Variants in CIMIP6 observed in about 807,000 individuals in gnomAD.
CIMIP6 encodes the protein uncharacterized protein C2orf73.
chr2:54,383,543 A>G, the CIMIP6 span: 1 of 152,224 alleles, frequency 6.6e-6, no homozygotes, highest in African/African-American at 2.4e-5. Flanking sequence ...AGCCACCCCT[A>G]TCATGTTAAA....
At chr2:54,379,894 T>C in the CIMIP6 span, among the ~76,000 whole-genome samples, 1 of 151,646 alleles carries the variant, frequency 6.6e-6, no homozygotes, top group Admixed American at 6.6e-5. Context: ...AGAGACTCGC[T>C]TGAACCCAGG....
At chr2:54,377,592 C>G in the CIMIP6 span, among the ~76,000 whole-genome samples, 1 of 152,178 alleles carries the variant, frequency 6.6e-6, no homozygotes, top group African/African-American at 2.4e-5. Flanking sequence ...GATTGCTACA[C>G]TGCAAGATAC....
chr2:54,356,533 G>GT, the CIMIP6 span, among the ~76,000 whole-genome samples: 90 of 151,550 alleles, frequency 5.9e-4, no homozygotes, highest in African/African-American at 1.5e-3. Flanking sequence ...GTTTCTCACA[G>GT]TTTTTTTTTG....
At chr2:54,366,819 G>T in the CIMIP6 span, among the ~76,000 whole-genome samples, 1 of 152,186 alleles carries the variant, frequency 6.6e-6, no homozygotes, top group South Asian at 2.1e-4. Context: ...GACATCGTCT[G>T]ACATACACAG....
the CIMIP6 span, among the ~76,000 whole-genome samples, chr2:54,352,003 G>A: frequency 3.3e-5 from 5 of 150,566 alleles, no homozygotes; most frequent in Admixed American, 6.7e-5. Context: ...AAAAACCTAA[G>A]AAAACTTGCA....
the CIMIP6 span, among the ~76,000 whole-genome samples, chr2:54,376,361 A>G: frequency 6.6e-6 from 1 of 152,182 alleles, no homozygotes; most frequent in Non-Finnish European, 1.5e-5. Flanking sequence ...ATAAAATCCA[A>G]AGACATCCTT....
At chr2:54,370,240 G>A in the CIMIP6 span, among the ~76,000 whole-genome samples, 1 of 152,006 alleles carries the variant, frequency 6.6e-6, no homozygotes, top group East Asian at 1.9e-4. Context: ...GGGCAGCAGA[G>A]TAAGACTCTG....
chr2:54,376,815 A>G, the CIMIP6 span, among the ~76,000 whole-genome samples: 4 of 152,238 alleles, frequency 2.6e-5, no homozygotes, highest in Admixed American at 2.6e-4. Flanking sequence ...AAGCTGAAGT[A>G]TTTGGAAAAA....
chr2:54,370,834 T>C, the CIMIP6 span, among the ~76,000 whole-genome samples: 1 of 152,086 alleles, frequency 6.6e-6, no homozygotes. Context: ...CCTGGAGGGG[T>C]AGTCTGCCCC....
chr2:54,373,881 G>C, the CIMIP6 span, among the ~76,000 whole-genome samples: 1 of 152,056 alleles, frequency 6.6e-6, no homozygotes, highest in Admixed American at 6.5e-5. Flanking sequence ...CATCATCCTT[G>C]GTTTATGAAT....
the CIMIP6 span, among the ~76,000 whole-genome samples, chr2:54,353,208 G>T: frequency 2.0e-5 from 3 of 152,162 alleles, no homozygotes; most frequent in Admixed American, 2.0e-4. Context: ...TACATTTCCA[G>T]TTTGGGGCAG....
the CIMIP6 span, among the ~76,000 whole-genome samples, chr2:54,349,990 C>T: frequency 6.6e-6 from 1 of 151,928 alleles, no homozygotes; most frequent in Non-Finnish European, 1.5e-5. Flanking sequence ...GCTGGGATTA[C>T]AGGCACCCAC....
chr2:54,334,177 G>A, the CIMIP6 span, among the ~76,000 whole-genome samples: 1,990 of 152,148 alleles, frequency 0.013, 47 homozygotes, highest in African/African-American at 0.044. Flanking sequence ...TTATTTGAAA[G>A]GAGAAAAATC....
the CIMIP6 span, among the ~76,000 whole-genome samples, chr2:54,337,345 A>G: frequency 6.6e-6 from 1 of 152,204 alleles, no homozygotes; most frequent in African/African-American, 2.4e-5. Context: ...TTTAAGGGCC[A>G]TATTGAGGGT....
At chr2:54,330,906 C>T in the CIMIP6 span, 12 of 1,510,394 alleles carry the variant, frequency 7.9e-6, no homozygotes, top group Non-Finnish European at 1.1e-5. Flanking sequence ...CTTTGCGCAC[C>T]CTTTTCCTGG....
the CIMIP6 span, among the ~76,000 whole-genome samples, chr2:54,365,143 T>A: frequency 6.6e-6 from 1 of 152,100 alleles, no homozygotes; most frequent in Admixed American, 6.5e-5. Context: ...CTCCTCCCAT[T>A]AGCCTGGGAA....
At chr2:54,337,457 A>G in the CIMIP6 span, among the ~76,000 whole-genome samples, 4 of 152,228 alleles carry the variant, frequency 2.6e-5, no homozygotes, top group Admixed American at 2.0e-4. Context: ...TTAATTTGGT[A>G]CCAAAATCCA....
the CIMIP6 span, chr2:54,343,653 A>T: frequency 8.6e-7 from 1 of 1,162,646 alleles, no homozygotes. Flanking sequence ...ATATCCATAG[A>T]CATCAAGCAA....
the CIMIP6 span, among the ~76,000 whole-genome samples, chr2:54,376,834 T>A: frequency 6.6e-6 from 1 of 152,226 alleles, no homozygotes; most frequent in African/African-American, 2.4e-5. Context: ...AAGTATTAGC[T>A]ACACACCAGG....
Sources: allele counts gnomAD v4.1 joint callset (sites outside exome capture counted in the v4.1 genomes callset), GRCh38; gene constraint gnomAD v4.1.1; transcripts MANE v1.5; gene names NCBI Gene and HGNC (gene_info 2026-07-23, HGNC 2026-07-21).